Variants in SKIL observed in about 807,000 individuals in gnomAD.
SKIL encodes the protein SKI like proto-oncogene.
Under a neutral mutation model 69.6 loss-of-function variants are expected in SKIL, and 20 were observed. The ratio of observed to expected loss-of-function variants is 0.29; its 90% CI spans 0.20 to 0.42. The LOEUF (loss-of-function observed/expected upper bound fraction) is 0.42, where lower values mean the gene tolerates loss of function less well. Ranked by LOEUF, SKIL falls within the 10% of genes least tolerant of loss-of-function variation. The pLI, the probability that SKIL is intolerant of heterozygous loss-of-function variation, is 1.00. For missense variants in SKIL, 745 were observed against 783.1 expected (o/e 0.95, Z 0.58); for synonymous variants, 310 against 279.9 (o/e 1.11, Z -1.08).
intron 2 of SKIL, among the ~76,000 whole-genome samples, chr3:170,372,988 A>ATTTTT (rs34211986): frequency 4.5e-5 from 6 of 134,176 alleles, no homozygotes; most frequent in Admixed American, 8.0e-5. Context: ...ATAATTTTCA[A>ATTTTT]TTTTTTTTTT....
Position 170,390,251 on chromosome 3 carries a change from T to G in SKIL, c.1458T>G (p.Ser486Arg), listed in dbSNP as rs1461054013. The G allele has an allele frequency of 6.2e-7, 1 of 1,612,304 alleles. No homozygotes were observed. The highest frequency in any genetic ancestry group is 8.5e-7 in the Non-Finnish European group (1 of 1,178,470). The change falls in exon 5 of 7, where the codon AGT becomes AGG. Residue 486 changes from serine (S) to arginine (R), a missense_variant. Transcript: ENST00000259119. ...CATCAATCTCAAATAATTCTACAAG[T>G]AAAAGGAAATCTGAGTCTGCCACTT... ...LDASISNNST[S>R]KRKSESATCN... is the part of the protein sequence containing the mutation.
intron 2 of SKIL, among the ~76,000 whole-genome samples, chr3:170,366,232 CTTAA>C (rs1316382319): frequency 1.3e-5 from 2 of 151,596 alleles, no homozygotes; most frequent in Non-Finnish European, 2.9e-5. Context: ...AATGAAACAA[CTTAA>C]TTATTTTACA....
rs556921820 is a variant in SKIL, at chr3:170,360,534, A to G, written c.203A>G (p.His68Arg). Residue 68 changes from histidine (H) to arginine (R), a missense_variant, in exon 2 of 7, where the codon CAT becomes CGT. Transcript: ENST00000259119. Reference protein sequence around the residue: ...GEAPVETDGEHVKRTCTSVPE... With the variant: ...GEAPVETDGERVKRTCTSVPE... ...GCACCAGTGGAAACTGATGGAGAGC[A>G]TGTTAAGCGAACCTGTACTTCTGTT... 101 of 1,614,238 alleles carry G rather than the reference A, an allele frequency of 6.3e-5. 1 individual carries two copies. In the South Asian group the frequency reaches 9.9e-4, roughly 16 times the overall value.
At chr3:170,379,002 G>A (rs569483441) in intron 2 of SKIL, among the ~76,000 whole-genome samples, 2 of 151,806 alleles carry the variant, frequency 1.3e-5, no homozygotes, top group East Asian at 1.9e-4. Flanking sequence ...TCAGCCTCCC[G>A]AGTAGCTGGG....
chr3:170,363,413 A>G (rs549342650), intron 2 of SKIL, among the ~76,000 whole-genome samples: 113 of 152,336 alleles, frequency 7.4e-4, no homozygotes, highest in Admixed American at 7.3e-3. Flanking sequence ...TGCTGCTTCC[A>G]GAAGACCAGC....
At chr3:170,369,859 C>T (rs889620958) in intron 2 of SKIL, among the ~76,000 whole-genome samples, 1 of 152,168 alleles carries the variant, frequency 6.6e-6, no homozygotes, top group South Asian at 2.1e-4. Flanking sequence ...TTTTATTCTA[C>T]TGGGATTCAT....
intron 4 of SKIL, among the ~76,000 whole-genome samples, chr3:170,385,593 C>T (rs1289742121): frequency 1.3e-5 from 2 of 152,138 alleles, no homozygotes; most frequent in Admixed American, 6.6e-5. Context: ...TGGTTACTTA[C>T]CGTGCCTTTT....
intron 2 of SKIL, 37 bp from the exon 3 acceptor site, chr3:170,381,207 A>T: frequency 8.9e-7 from 1 of 1,117,630 alleles, no homozygotes; most frequent in Non-Finnish European, 1.4e-6. Context: ...TCACAGTTTT[A>T]CTTCAATAAA....
At chr3:170,368,061 T>C (rs1230013113) in intron 2 of SKIL, among the ~76,000 whole-genome samples, 1 of 152,224 alleles carries the variant, frequency 6.6e-6, no homozygotes, top group Non-Finnish European at 1.5e-5. Context: ...TTAGGCAGCG[T>C]ATTTGTCAGT....
intron 2 of SKIL, among the ~76,000 whole-genome samples, chr3:170,370,793 C>G (rs1736768843): frequency 6.6e-6 from 1 of 151,748 alleles, no homozygotes; most frequent in African/African-American, 2.4e-5. Flanking sequence ...TTGAAAAAAA[C>G]AATTAGCTGG....
chr3:170,360,917 A>G lies in SKIL; in HGVS notation c.586A>G (p.Arg196Gly). The change falls in exon 2 of 7, where the codon AGG becomes GGG. Residue 196 changes from arginine (R) to glycine (G), a missense_variant. Arg to Gly is a moderately radical substitution (Grantham distance 125, BLOSUM62 -2). Transcript: ENST00000259119. The stretch of plus-strand genomic sequence containing the variant: ...TGATGAACTGTACATATATTGTTCA[A>G]GGTGTACTTCAGACCAGCTTCATAT... ...VCDELYIYCS[R>G]CTSDQLHILK... 1.2e-6 allele frequency: 2 copies of G among 1,614,194 alleles called. No individual in the cohort carries two copies. The highest frequency in any genetic ancestry group is 1.7e-6 in the Non-Finnish European group (2 of 1,180,020).
At chr3:170,385,000 G>A (rs1737547288) in intron 4 of SKIL, 1 of 293,902 alleles carries the variant, frequency 3.4e-6, no homozygotes, top group Non-Finnish European at 6.3e-6. Context: ...GCCTCAGACT[G>A]CAAGTTATTT....
At chr3:170,380,397 C>T (rs1281331803) in intron 2 of SKIL, among the ~76,000 whole-genome samples, 2 of 152,090 alleles carry the variant, frequency 1.3e-5, no homozygotes, top group African/African-American at 2.4e-5. Context: ...AATCCCTGCA[C>T]TTTGGGAGGC....
In SKIL at chr3:170,392,469, G is replaced by C; in HGVS notation, c.*52G>C. ...ATTACTGACAAGGTTTTTTTTGTTT[G>C]TTGCTTGCTTTGGTAATTGAATTCT... On this transcript the variant is annotated 3_prime_UTR_variant, in exon 7 of 7. Transcript: ENST00000259119. The C allele has an allele frequency of 8.2e-7, 1 of 1,225,364 alleles. No homozygotes were observed. The highest frequency in any genetic ancestry group is 1.1e-6 in the Non-Finnish European group (1 of 891,220). 75.9% of individuals were successfully genotyped at this position (1,225,364 alleles called of 1,614,324 possible). A position where few individuals can be genotyped will look rare whatever the true frequency, so the allele number is the denominator to read the frequency against.
At chr3:170,373,883 GAA>G (rs991874664) in intron 2 of SKIL, among the ~76,000 whole-genome samples, 2 of 149,016 alleles carry the variant, frequency 1.3e-5, no homozygotes, top group Non-Finnish European at 3.0e-5. Flanking sequence ...TGTCTCAAGG[GAA>G]AAAAAAAATG....
intron 3 of SKIL, among the ~76,000 whole-genome samples, chr3:170,383,166 A>G (rs1560217813): frequency 6.6e-6 from 1 of 152,122 alleles, no homozygotes; most frequent in Non-Finnish European, 1.5e-5. Flanking sequence ...ATTTTTTTCT[A>G]CTAGTGTAAA....
intron 3 of SKIL, among the ~76,000 whole-genome samples, chr3:170,383,915 C>T (rs954835242): frequency 3.3e-5 from 5 of 151,204 alleles, no homozygotes; most frequent in Non-Finnish European, 7.4e-5. Context: ...CTTACCTGCT[C>T]AGAGTTGTTA....
chr3:170,385,878 C>T (rs1237656034), intron 4 of SKIL, among the ~76,000 whole-genome samples: 4 of 151,004 alleles, frequency 2.6e-5, no homozygotes, highest in African/African-American at 7.3e-5. Flanking sequence ...CTCAGCTCAC[C>T]GCAACCTCCA....
intron 6 of SKIL, 62 bp downstream of exon 6, chr3:170,391,322 C>G: frequency 3.1e-6 from 3 of 961,296 alleles, no homozygotes; most frequent in South Asian, 3.3e-5. Context: ...TGTTACTTCT[C>G]TCTTTTTTTT....
Sources: allele counts gnomAD v4.1 joint callset (sites outside exome capture counted in the v4.1 genomes callset), GRCh38; gene constraint gnomAD v4.1.1; transcripts MANE v1.5; gene names NCBI Gene and HGNC (gene_info 2026-07-23, HGNC 2026-07-21).